Variants in SMAP1 observed in about 807,000 individuals in gnomAD.
The protein encoded by SMAP1 is small ArfGAP 1.
SMAP1 carries 24 observed loss-of-function variants against 58.5 expected under a neutral mutation model. The observed-to-expected ratio is 0.41, with a 90% CI of 0.30 to 0.58. SMAP1 has a LOEUF of 0.58. Among genes scored for constraint, SMAP1 ranks in the 20% least tolerant of loss-of-function variants. The pLI, the probability that SMAP1 is intolerant of heterozygous loss-of-function variation, is 0.29. For missense variants in SMAP1, 563 were observed against 566.3 expected (o/e 0.99, Z 0.06); for synonymous variants, 216 against 196.6 (o/e 1.10, Z -0.82).
At chr6:70,810,181 T>C (rs1769326017) in intron 6 of SMAP1, among the ~76,000 whole-genome samples, 1 of 152,176 alleles carries the variant, frequency 6.6e-6, no homozygotes, top group South Asian at 2.1e-4. Context: ...TTCTTTTCTT[T>C]TTCTTGAGAT....
chr6:70,793,672 G>A (rs183876132), intron 5 of SMAP1, among the ~76,000 whole-genome samples: 169 of 147,096 alleles, frequency 1.1e-3, no homozygotes, highest in Non-Finnish European at 2.1e-3. Flanking sequence ...GAGAGAGAGA[G>A]AAAGCTTAAA....
At chr6:70,699,801 G>T (rs1442446413) in intron 1 of SMAP1, among the ~76,000 whole-genome samples, 1 of 151,900 alleles carries the variant, frequency 6.6e-6, no homozygotes, top group Admixed American at 6.6e-5. Context: ...AAGGCAGTGG[G>T]CTCCTCTTTG....
chr6:70,748,728 T>TA (rs1380356017), intron 2 of SMAP1, among the ~76,000 whole-genome samples: 3 of 152,102 alleles, frequency 2.0e-5, no homozygotes, highest in Non-Finnish European at 2.9e-5. Context: ...TTGTTGGGAA[T>TA]AGAAAATATG....
intron 1 of SMAP1, among the ~76,000 whole-genome samples, chr6:70,685,738 A>G (rs1766909343): frequency 6.6e-6 from 1 of 152,172 alleles, no homozygotes. Flanking sequence ...TGTTTCCTAA[A>G]GCCATATTAC....
intron 8 of SMAP1, among the ~76,000 whole-genome samples, chr6:70,854,578 C>A (rs200058798): frequency 6.6e-6 from 1 of 151,618 alleles, no homozygotes; most frequent in Non-Finnish European, 1.5e-5. Context: ...GCGGAGATCA[C>A]GCCATTGCAC....
chr6:70,751,887 A>G (rs578124523), intron 2 of SMAP1, among the ~76,000 whole-genome samples: 1 of 152,258 alleles, frequency 6.6e-6, no homozygotes, highest in South Asian at 2.1e-4. Context: ...AGTACATGTC[A>G]CTTATCCCCT....
chr6:70,861,646 C>T lies in SMAP1; in HGVS notation c.*1312C>T, dbSNP rs576054467. The T allele has an allele frequency of 6.2e-7, 1 of 1,609,740 alleles. No individual in the cohort carries two copies. Among genetic ancestry groups the T allele is most frequent in the African/African-American group, 1.3e-5 (1 of 74,950 alleles). On this transcript the variant is annotated 3_prime_UTR_variant, in exon 11 of 11. Coordinates refer to ENST00000370455, the MANE Select transcript of SMAP1 (RefSeq NM_001044305.3). Reference sequence around the variant, plus strand: ...GGATCCACTGGCTGGACAAACTGCACCAGTTGCTGCTTCAATTTATACCTC... The same window carrying T: ...GGATCCACTGGCTGGACAAACTGCATCAGTTGCTGCTTCAATTTATACCTC...
At chr6:70,699,491 G>C (rs1404140881) in intron 1 of SMAP1, among the ~76,000 whole-genome samples, 2 of 152,054 alleles carry the variant, frequency 1.3e-5, no homozygotes, top group East Asian at 3.9e-4. Context: ...CTTCAGGACA[G>C]CGAGCTCTCC....
intron 6 of SMAP1, among the ~76,000 whole-genome samples, chr6:70,802,311 C>T (rs551296332): frequency 1.1e-3 from 166 of 152,236 alleles, no homozygotes; most frequent in Admixed American, 2.5e-3. Flanking sequence ...ATTTGGCTCT[C>T]TGTCATTGTT....
At chr6:70,689,514 C>T (rs1050407647) in intron 1 of SMAP1, among the ~76,000 whole-genome samples, 7 of 152,122 alleles carry the variant, frequency 4.6e-5, no homozygotes, top group Non-Finnish European at 8.8e-5. Context: ...TGTAAGTCTT[C>T]CAACTTTGTT....
intron 4 of SMAP1, among the ~76,000 whole-genome samples, chr6:70,784,806 G>T (rs569873407): frequency 6.6e-6 from 1 of 152,256 alleles, no homozygotes; most frequent in Non-Finnish European, 1.5e-5. Flanking sequence ...CATAAAGCAA[G>T]TCCTGAGTGA....
intron 6 of SMAP1, among the ~76,000 whole-genome samples, chr6:70,820,859 T>G (rs1203364061): frequency 3.9e-5 from 6 of 152,206 alleles, no homozygotes; most frequent in Non-Finnish European, 8.8e-5. Context: ...TAAGCATTAT[T>G]TAGAAGTTTG....
At chr6:70,748,879 C>CAT (rs141576869) in intron 2 of SMAP1, among the ~76,000 whole-genome samples, 5,293 of 149,826 alleles carry the variant, frequency 0.035, 95 homozygotes, top group African/African-American at 0.043. Flanking sequence ...ATATTTTATG[C>CAT]ATATATATAT....
chr6:70,730,738 G>A (rs1264200534), intron 1 of SMAP1, among the ~76,000 whole-genome samples: 2 of 152,148 alleles, frequency 1.3e-5, no homozygotes, highest in Admixed American at 6.5e-5. Context: ...GTAGAGCAGT[G>A]TCACCTTTAG....
chr6:70,768,661 C>G (rs1450730480), intron 3 of SMAP1, among the ~76,000 whole-genome samples: 2 of 152,016 alleles, frequency 1.3e-5, no homozygotes, highest in African/African-American at 4.8e-5. Context: ...ATTAGTCTTG[C>G]TAGTGGTCTA....
intron 2 of SMAP1, among the ~76,000 whole-genome samples, chr6:70,752,442 A>G (rs554256847): frequency 1.3e-5 from 2 of 152,290 alleles, no homozygotes; most frequent in South Asian, 4.1e-4. Context: ...TTTCCTGTAA[A>G]ATTAGGATAA....
At chr6:70,671,398 C>T (rs1006374207) in intron 1 of SMAP1, among the ~76,000 whole-genome samples, 11 of 152,020 alleles carry the variant, frequency 7.2e-5, no homozygotes, top group African/African-American at 2.2e-4. Flanking sequence ...AGTGAAACCC[C>T]GTCTCCACTA....
intron 1 of SMAP1, among the ~76,000 whole-genome samples, chr6:70,721,445 A>G (rs868475216): frequency 9.2e-5 from 14 of 152,182 alleles, no homozygotes; most frequent in Admixed American, 4.6e-4. Flanking sequence ...CTATATCGCT[A>G]TCAGCATTTT....
chr6:70,834,338 T>G (rs1334711668), intron 6 of SMAP1, among the ~76,000 whole-genome samples: 1 of 151,272 alleles, frequency 6.6e-6, no homozygotes, highest in Non-Finnish European at 1.5e-5. Flanking sequence ...GTTTTATGCT[T>G]TTTTCCATGG....
Sources: allele counts gnomAD v4.1 joint callset (sites outside exome capture counted in the v4.1 genomes callset), GRCh38; gene constraint gnomAD v4.1.1; transcripts MANE v1.5; gene names NCBI Gene and HGNC (gene_info 2026-07-23, HGNC 2026-07-21).